Variants in AGBL4 observed in about 807,000 individuals in gnomAD.
AGBL4 encodes cytosolic carboxypeptidase 6.
AGBL4 carries 58 observed loss-of-function variants against 66.4 expected under a neutral mutation model. The observed-to-expected ratio is 0.87, with a 90% confidence interval of 0.71 to 1.09. AGBL4 has a LOEUF of 1.09. Among genes scored for constraint, AGBL4 ranks in the 50% least tolerant of loss-of-function variants. AGBL4 has a pLI of 0.00. For synonymous variants in AGBL4, 234 were observed against 222.9 expected (o/e 1.05, Z -0.44); for missense variants, 579 against 631.0 (o/e 0.92, Z 0.88).
chr1:49,434,016 A>C (rs1001688349), intron 3 of AGBL4, among the ~76,000 whole-genome samples: 4 of 152,154 alleles, frequency 2.6e-5, no homozygotes, highest in African/African-American at 4.8e-5. Flanking sequence ...TTAAATGCCT[A>C]TTGTGTGAGG....
intron 3 of AGBL4, among the ~76,000 whole-genome samples, chr1:49,272,449 A>G (rs1470756527): frequency 6.6e-6 from 1 of 152,204 alleles, no homozygotes; most frequent in African/African-American, 2.4e-5. Context: ...GTCTTCTTAT[A>G]AAATCCAGTG....
At chr1:48,781,284 G>A (rs982435247) in intron 6 of AGBL4, among the ~76,000 whole-genome samples, 9 of 152,132 alleles carry the variant, frequency 5.9e-5, no homozygotes, top group South Asian at 2.1e-4. Flanking sequence ...TGACTGGCAC[G>A]GGATGCTTAA....
chr1:48,673,138 T>C (rs1646304728), intron 6 of AGBL4, among the ~76,000 whole-genome samples: 1 of 152,196 alleles, frequency 6.6e-6, no homozygotes, highest in South Asian at 2.1e-4. Flanking sequence ...ATTCTGTTTG[T>C]ACTTATGTGC....
chr1:49,701,762 G>T (rs895601230), intron 2 of AGBL4, among the ~76,000 whole-genome samples: 2 of 151,926 alleles, frequency 1.3e-5, no homozygotes, highest in African/African-American at 4.8e-5. Flanking sequence ...AAAAGAGAAA[G>T]GACTCTAATT....
At chr1:48,897,322 T>G (rs1165157902) in intron 5 of AGBL4, among the ~76,000 whole-genome samples, 3 of 152,228 alleles carry the variant, frequency 2.0e-5, no homozygotes, top group African/African-American at 7.2e-5. Context: ...TTCATTATTT[T>G]TTATGGCCGA....
intron 5 of AGBL4, among the ~76,000 whole-genome samples, chr1:49,035,035 T>C (rs955536094): frequency 1.3e-5 from 2 of 152,122 alleles, no homozygotes; most frequent in African/African-American, 4.8e-5. Context: ...TGTAGAGGCT[T>C]TATTTTAAAA....
At chr1:49,592,391 C>T (rs182966423) in intron 3 of AGBL4, among the ~76,000 whole-genome samples, 3 of 152,142 alleles carry the variant, frequency 2.0e-5, no homozygotes, top group Non-Finnish European at 1.5e-5. Context: ...GCCAACATGG[C>T]GAAATCCCAT....
At chr1:48,995,775 G>A (rs1660953202) in intron 5 of AGBL4, among the ~76,000 whole-genome samples, 1 of 152,136 alleles carries the variant, frequency 6.6e-6, no homozygotes, top group African/African-American at 2.4e-5. Flanking sequence ...TGAGTGGAAG[G>A]GGAAAAAGTA....
chr1:48,978,951 A>C (rs903432832), intron 5 of AGBL4, among the ~76,000 whole-genome samples: 3 of 152,200 alleles, frequency 2.0e-5, no homozygotes, highest in African/African-American at 7.2e-5. Context: ...ATAATTAAAT[A>C]CCTGGCAGTA....
At chr1:49,140,221 A>G (rs996040103) in intron 4 of AGBL4, among the ~76,000 whole-genome samples, 2 of 152,212 alleles carry the variant, frequency 1.3e-5, no homozygotes, top group Non-Finnish European at 1.5e-5. Flanking sequence ...GTTAGGTACA[A>G]CTTGATCATT....
chr1:49,237,512 T>TTA (rs71056690), intron 4 of AGBL4, among the ~76,000 whole-genome samples: 7 of 2,282 alleles, frequency 3.1e-3, no homozygotes, highest in Admixed American at 5.2e-3. Flanking sequence ...CAATATTACA[T>TTA]TATATATATA....
intron 3 of AGBL4, among the ~76,000 whole-genome samples, chr1:49,568,155 G>T (rs1644251432): frequency 6.6e-6 from 1 of 151,156 alleles, no homozygotes; most frequent in Non-Finnish European, 1.5e-5. Context: ...TCAAGTAAAA[G>T]AAAAAAAATA....
intron 4 of AGBL4, among the ~76,000 whole-genome samples, chr1:49,188,396 C>A (rs1364249509): frequency 6.6e-6 from 1 of 152,036 alleles, no homozygotes; most frequent in Non-Finnish European, 1.5e-5. Context: ...GGCTGCTCAC[C>A]CACTAGACAG....
intron 1 of AGBL4, chr1:49,995,429 C>G: frequency 2.6e-6 from 1 of 384,162 alleles, no homozygotes; most frequent in Non-Finnish European, 5.2e-6. Flanking sequence ...CCATAATCCC[C>G]CTGAGAACAC....
intron 6 of AGBL4, chr1:48,727,633 C>A (rs1189657363): frequency 7.1e-6 from 2 of 283,076 alleles, no homozygotes; most frequent in East Asian, 6.2e-5. Context: ...ACTCAGGCAA[C>A]CTTATCCCCC....
intron 1 of AGBL4, among the ~76,000 whole-genome samples, chr1:49,958,909 C>CA (rs996277869): frequency 2.0e-5 from 3 of 146,632 alleles, no homozygotes; most frequent in Admixed American, 6.9e-5. Flanking sequence ...GACAAAGTGG[C>CA]AAAAAAAAAT....
chr1:48,979,017 T>C (rs1659551600), intron 5 of AGBL4, among the ~76,000 whole-genome samples: 1 of 152,112 alleles, frequency 6.6e-6, no homozygotes, highest in African/African-American at 2.4e-5. Context: ...TTGTGTAAGG[T>C]CTATTTAGAA....
chr1:48,687,561 T>C (rs1381546423), intron 6 of AGBL4, among the ~76,000 whole-genome samples: 1 of 152,170 alleles, frequency 6.6e-6, no homozygotes, highest in African/African-American at 2.4e-5. Context: ...TCTGGTCTGG[T>C]GATCTCAGAT....
intron 5 of AGBL4, among the ~76,000 whole-genome samples, chr1:48,906,476 A>G (rs1652599297): frequency 6.6e-6 from 1 of 152,112 alleles, no homozygotes; most frequent in Non-Finnish European, 1.5e-5. Flanking sequence ...TTTAAAACAG[A>G]GGAATAAACA....
Sources: allele counts gnomAD v4.1 joint callset (sites outside exome capture counted in the v4.1 genomes callset), GRCh38; gene constraint gnomAD v4.1.1; transcripts MANE v1.5; gene names NCBI Gene and HGNC (gene_info 2026-07-23, HGNC 2026-07-21).